PDZD2: variants seen among roughly 807,000 people sequenced by gnomAD.
The protein encoded by PDZD2 is PDZ domain-containing protein 2.
In PDZD2, 90 loss-of-function variants were observed where a neutral mutation model predicts 220.7. The ratio of observed to expected loss-of-function variants is 0.41; its 90% CI spans 0.34 to 0.49. The LOEUF (loss-of-function observed/expected upper bound fraction) is 0.49, where lower values mean the gene tolerates loss of function less well. PDZD2 is among the 20% of genes least tolerant of loss of function. PDZD2 has a pLI of 0.28. For synonymous variants in PDZD2, 1,375 were observed against 1,450.5 expected (o/e 0.95, Z 1.18); for missense variants, 3,174 against 3,608.5 (o/e 0.88, Z 3.08).
intron 19 of PDZD2, 105 bp downstream of exon 19, chr5:32,077,711 C>T: frequency 8.4e-7 from 1 of 1,190,388 alleles, no homozygotes; most frequent in Non-Finnish European, 1.2e-6. Context: ...AATCCCAGCA[C>T]TCTGGGAGGC....
intron 6 of PDZD2, among the ~76,000 whole-genome samples, chr5:32,014,261 C>T (rs1405356754): frequency 2.0e-5 from 3 of 152,116 alleles, no homozygotes; most frequent in African/African-American, 7.2e-5. Context: ...TCGTGTACTC[C>T]GAGCACTTAA....
rs182747213 is a variant in PDZD2, at chr5:31,701,088, T to A, written c.-361+61651T>A. ...ACACCTGAGTCTCCATTCTCCAGGG[T>A]TGAGCTGTTGTACAGACCCAGTGCT... On this transcript the variant is annotated intron_variant, in intron 1 of 24. Coordinates refer to ENST00000438447, the MANE Select transcript of PDZD2 (RefSeq NM_178140.4). 1.9e-3 allele frequency among the ~76,000 whole-genome samples: 291 copies of A among 152,360 alleles called. 2 individuals carry two copies. The highest frequency in any genetic ancestry group is 7.5e-3 in the South Asian group (36 of 4,830).
At chr5:32,036,245 G>A (rs374319952) in intron 6 of PDZD2, among the ~76,000 whole-genome samples, 1 of 152,044 alleles carries the variant, frequency 6.6e-6, no homozygotes, top group African/African-American at 2.4e-5. Context: ...CACTGCACCC[G>A]GCCTCATCAA....
intron 2 of PDZD2, among the ~76,000 whole-genome samples, chr5:31,919,358 C>CTT (rs11349783): frequency 7.1e-6 from 1 of 140,620 alleles, no homozygotes; most frequent in Non-Finnish European, 1.6e-5. Context: ...ATTGTCTTGT[C>CTT]TTTTTTTTTT....
rs1561409808 is a variant in PDZD2 at position 31,725,496 on chromosome 5, A to C, written c.-360-73393A>C. Reference sequence around the variant, plus strand: ...AAATAAAACTATGAGTAAATGAATGATCCATGTCTAAAAATGATCATGGTT... The same window carrying C: ...AAATAAAACTATGAGTAAATGAATGCTCCATGTCTAAAAATGATCATGGTT... On this transcript the variant is annotated intron_variant, in intron 1 of 24. Coordinates refer to ENST00000438447, the MANE Select transcript of PDZD2 (RefSeq NM_178140.4). The C allele has an allele frequency of 2.4e-6, 3 of 1,254,506 alleles. No homozygotes were observed. In the East Asian group the frequency reaches 7.4e-5, roughly 31 times the overall value. 77.7% of individuals were successfully genotyped at this position (1,254,506 alleles called of 1,614,324 possible).
At chr5:31,809,787 G>C (rs1754981401) in intron 2 of PDZD2, among the ~76,000 whole-genome samples, 2 of 152,172 alleles carry the variant, frequency 1.3e-5, no homozygotes, top group Non-Finnish European at 2.9e-5. Context: ...TGAGGGAAGA[G>C]ATTCCATAAA....
chr5:31,945,183 G>T lies in PDZD2; in HGVS notation c.477-37972G>T, dbSNP rs186334056. Among the ~76,000 whole-genome samples, 744 of 152,298 alleles carry T rather than the reference G, an allele frequency of 4.9e-3. 3 individuals are homozygous for T. Among genetic ancestry groups the T allele is most frequent in the Non-Finnish European group, 8.6e-3 (587 of 68,034 alleles). On this transcript the variant is annotated intron_variant, in intron 2 of 24. Coordinates refer to ENST00000438447, the MANE Select transcript of PDZD2 (RefSeq NM_178140.4). The stretch of plus-strand genomic sequence containing the variant: ...AGAACCCCGAGATCTGACCGACTAT[G>T]CCCTAATGGTGTGCTTTTGGCCTTG...
At chr5:31,699,506 T>C (rs1379295209) in intron 1 of PDZD2, among the ~76,000 whole-genome samples, 2 of 152,114 alleles carry the variant, frequency 1.3e-5, no homozygotes, top group Non-Finnish European at 2.9e-5. Context: ...CCCAGCGCTT[T>C]GGGAGGCTGA....
intron 2 of PDZD2, among the ~76,000 whole-genome samples, chr5:31,954,481 T>C (rs537314674): frequency 6.6e-6 from 1 of 152,354 alleles, no homozygotes; most frequent in South Asian, 2.1e-4. Context: ...CCATTCCTCA[T>C]TACTGCTCAG....
chr5:32,032,972 G>C (rs1254524771), intron 6 of PDZD2, among the ~76,000 whole-genome samples: 1 of 152,178 alleles, frequency 6.6e-6, no homozygotes, highest in Non-Finnish European at 1.5e-5. Flanking sequence ...AAACAGGAAG[G>C]CTCTACCATG....
At chr5:31,663,880 C>T (rs1037392941) in intron 1 of PDZD2, among the ~76,000 whole-genome samples, 3 of 150,834 alleles carry the variant, frequency 2.0e-5, no homozygotes, top group Non-Finnish European at 3.0e-5. Flanking sequence ...TGTGTGTATG[C>T]GGGCACAAGT....
intron 6 of PDZD2, among the ~76,000 whole-genome samples, chr5:32,033,623 C>CTT (rs72293245): frequency 2.7e-5 from 4 of 147,028 alleles, no homozygotes; most frequent in African/African-American, 1.0e-4. Context: ...CACCATCTCT[C>CTT]TTTTTTTTTT....
chr5:31,645,908 G>A (rs73070390), intron 1 of PDZD2, among the ~76,000 whole-genome samples: 5,885 of 152,052 alleles, frequency 0.039, 359 homozygotes, highest in African/African-American at 0.13. Context: ...AGGAGGGTGG[G>A]AGAGATGGTA....
Position 32,087,901 on chromosome 5 carries a change from A to G in PDZD2, c.4453A>G (p.Arg1485Gly), listed in dbSNP as rs752654497. The G allele has an allele frequency of 2.5e-6, 4 of 1,613,298 alleles. No individual in the cohort carries two copies. In the African/African-American group the frequency reaches 4.0e-5, roughly 16 times the overall value. Residue 1485 changes from arginine to glycine, a missense_variant, in exon 20 of 25, where the codon AGG becomes GGG. Arg to Gly is a moderately radical substitution (Grantham distance 125). Coordinates refer to ENST00000438447, the MANE Select transcript of PDZD2 (RefSeq NM_178140.4). The surrounding 1 kb of genome is among the most constrained non-coding windows in gnomAD (Gnocchi z 4.0). ...GGGGGGCCAGACCTCCTCCCCGAGG[A>G]GGGCCTGGGCTGCTGGTGCCCCCGC... ...VPGGQTSSPRRAWAAGAPAYP... is the reference protein window; with the variant it reads ...VPGGQTSSPRGAWAAGAPAYP...
At chr5:31,890,202 A>G (rs1052696319) in intron 2 of PDZD2, among the ~76,000 whole-genome samples, 18 of 147,240 alleles carry the variant, frequency 1.2e-4, no homozygotes, top group African/African-American at 4.3e-4. Context: ...GTCCAATAAA[A>G]CTTAATGGGC....
intron 2 of PDZD2, among the ~76,000 whole-genome samples, chr5:31,896,348 G>C (rs867096325): frequency 4.0e-5 from 6 of 150,892 alleles, no homozygotes; most frequent in Non-Finnish European, 8.9e-5. Context: ...GTGTGTGTGT[G>C]TGTGTGTGTG....
intron 1 of PDZD2, among the ~76,000 whole-genome samples, chr5:31,736,342 T>G (rs1347642637): frequency 6.6e-6 from 1 of 152,202 alleles, no homozygotes; most frequent in Admixed American, 6.5e-5. Flanking sequence ...GGCTCGGCTG[T>G]GAAAGCCACT....
At chr5:31,703,511 C>A (rs555362216) in intron 1 of PDZD2, among the ~76,000 whole-genome samples, 24 of 152,158 alleles carry the variant, frequency 1.6e-4, no homozygotes, top group African/African-American at 5.1e-4. Context: ...AGCATTAGGA[C>A]AAATACCTAA....
intron 2 of PDZD2, among the ~76,000 whole-genome samples, chr5:31,890,609 C>T (rs1466282554): frequency 6.6e-6 from 1 of 152,186 alleles, no homozygotes; most frequent in Non-Finnish European, 1.5e-5. Flanking sequence ...GCTAGTACTA[C>T]TTAGCAGGGG....
Sources: allele counts gnomAD v4.1 joint callset (sites outside exome capture counted in the v4.1 genomes callset), GRCh38; gene constraint gnomAD v4.1.1; non-coding constraint Gnocchi (gnomAD v3.1); transcripts MANE v1.5; gene names NCBI Gene and HGNC (gene_info 2026-07-23, HGNC 2026-07-21).